Variants in FAXC observed in about 807,000 individuals in gnomAD.
FAXC encodes failed axon connections homolog, metaxin like GST domain containing, also known as failed axon connections homolog.
Under a neutral mutation model 41.9 loss-of-function variants are expected in FAXC, and 10 were observed. That is an observed-to-expected ratio of 0.24 (90% CI 0.15 to 0.41). The LOEUF (loss-of-function observed/expected upper bound fraction) is 0.41, where lower values mean the gene tolerates loss of function less well. FAXC is among the 10% of genes least tolerant of loss of function. FAXC has a pLI of 1.00. For synonymous variants in FAXC, 183 were observed against 183.8 expected (o/e 1.00, Z 0.03); for missense variants, 399 against 510.9 (o/e 0.78, Z 2.11).
intron 3 of FAXC, 33 bp from the exon 4 acceptor site, chr6:99,323,700 C>T: frequency 6.5e-7 from 1 of 1,530,978 alleles, no homozygotes; most frequent in Non-Finnish European, 9.0e-7. Flanking sequence ...TACTACTGTG[C>T]ATCAGGTACA....
Position 99,275,942 on chromosome 6 carries a change from A to G in FAXC, c.*5222T>C, listed in dbSNP as rs1407896735. 1 of 152,146 alleles carries G rather than the reference A, an allele frequency of 6.6e-6. No homozygotes were observed. The highest frequency in any genetic ancestry group is 1.5e-5 in the Non-Finnish European group (1 of 68,028). The allele number at this position is 152,146 out of a possible 1,614,324, so 9.4% of individuals were successfully genotyped here. On this transcript the variant is annotated 3_prime_UTR_variant, in exon 6 of 6. Coordinates refer to ENST00000389677, the MANE Select transcript of FAXC (RefSeq NM_032511.4). Reference sequence around the variant, plus strand: ...TATCCAGACCACTGGAAGCAACTGAATAAAGGTCAAGCACTTCACAATCAC... The same window carrying G: ...TATCCAGACCACTGGAAGCAACTGAGTAAAGGTCAAGCACTTCACAATCAC...
At position 99,323,310 on chromosome 6, in the gene FAXC, G is replaced by A. The variant is rs574478512; in HGVS notation, c.823+134C>T. ...AAAATTAGAGGATTTGGTTAAATGT[G>A]GGGACTGCAATCTACACATGGAAGC... On this transcript the variant is annotated intron_variant, in intron 4 of 5. Transcript: ENST00000389677. 4.7e-5 allele frequency: 33 copies of A among 699,928 alleles called. No individual in the cohort carries two copies. In the African/African-American group the frequency reaches 5.2e-4, roughly 11 times the overall value. The allele number at this position is 699,928 out of a possible 1,614,324, so 43.4% of individuals were successfully genotyped here. A position where few individuals can be genotyped will look rare whatever the true frequency, so the allele number is the denominator to read the frequency against.
At chr6:99,329,470 G>A (rs1414024055) in intron 3 of FAXC, among the ~76,000 whole-genome samples, 1 of 152,120 alleles carries the variant, frequency 6.6e-6, no homozygotes, top group African/African-American at 2.4e-5. Context: ...TCAACACCTG[G>A]ACTTCCAACT....
At chr6:99,324,605 G>A (rs1772726599) in intron 3 of FAXC, among the ~76,000 whole-genome samples, 4 of 152,128 alleles carry the variant, frequency 2.6e-5, no homozygotes, top group Admixed American at 6.5e-5. Context: ...AGTATAATCC[G>A]TATGGCGAGG....
chr6:99,280,939 CCATGCTGA>C lies in FAXC; in HGVS notation c.*217_*224del. On this transcript the variant is annotated 3_prime_UTR_variant, in exon 6 of 6. Coordinates refer to ENST00000389677, the MANE Select transcript of FAXC (RefSeq NM_032511.4). ...TGAAAACAAAAATGGATTTCAGGAACCATGCTGACATTATTTTTTGCCTGTTTGTTTTC... is the reference window on the plus strand; with the variant it reads ...TGAAAACAAAAATGGATTTCAGGAACCATTATTTTTTGCCTGTTTGTTTTC... The C allele has an allele frequency of 2.1e-6, 1 of 481,638 alleles. No homozygotes were observed. Among genetic ancestry groups the C allele is most frequent in the Non-Finnish European group, 3.7e-6 (1 of 269,082 alleles). 29.8% of individuals were successfully genotyped at this position (481,638 alleles called of 1,614,324 possible).
In FAXC at chr6:99,275,032, T is replaced by C. The variant is rs1770550122; in HGVS notation, c.*6132A>G. ...AACATGGCAATTCAGAAGTTGGATC[T>C]TATTTTTTTAGAAGCCATGGGGTAA... On this transcript the variant is annotated 3_prime_UTR_variant, in exon 6 of 6. Transcript: ENST00000389677. 6.6e-6 allele frequency: 1 copy of C among 152,192 alleles called. No homozygotes were observed. Among genetic ancestry groups the C allele is most frequent in the Non-Finnish European group, 1.5e-5 (1 of 68,028 alleles). 9.4% of individuals were successfully genotyped at this position (152,192 alleles called of 1,614,324 possible).
chr6:99,324,639 C>T (rs1216000909), intron 3 of FAXC, among the ~76,000 whole-genome samples: 1 of 152,120 alleles, frequency 6.6e-6, no homozygotes, highest in Non-Finnish European at 1.5e-5. Flanking sequence ...ACTGTTCCAA[C>T]ATTTTGCTGG....
chr6:99,328,192 C>G (rs2128461287), intron 3 of FAXC, among the ~76,000 whole-genome samples: 1 of 152,178 alleles, frequency 6.6e-6, no homozygotes, highest in East Asian at 1.9e-4. Flanking sequence ...CATGCACCTC[C>G]CTGCTATAGA....
intron 4 of FAXC, among the ~76,000 whole-genome samples, chr6:99,306,499 T>C (rs1443918889): frequency 3.3e-5 from 5 of 152,074 alleles, no homozygotes; most frequent in Non-Finnish European, 5.9e-5. Flanking sequence ...TAAGTGAAGA[T>C]CTAGAAAACA....
At chr6:99,328,163 C>G (rs1182191150) in intron 3 of FAXC, among the ~76,000 whole-genome samples, 2 of 152,214 alleles carry the variant, frequency 1.3e-5, no homozygotes, top group Non-Finnish European at 2.9e-5. Flanking sequence ...GCACCCCATG[C>G]ACAAGCCATA....
At position 99,349,482 on chromosome 6, in the gene FAXC, C is replaced by CT. The variant is rs1773721067; in HGVS notation, c.-111_-110insA. 3.6e-6 allele frequency: 3 copies of CT among 824,280 alleles called. No homozygotes were observed. The highest frequency in any genetic ancestry group is 3.8e-5 in the African/African-American group (2 of 53,106). 51.1% of individuals were successfully genotyped at this position (824,280 alleles called of 1,614,324 possible). A position where few individuals can be genotyped will look rare whatever the true frequency, so the allele number is the denominator to read the frequency against. ...AGGCGCGCGGAGGGCGCGGGCGGCG[C>CT]GGGCGGCGGCGACTGAGGAGGCGGC... On this transcript the variant is annotated 5_prime_UTR_variant, in exon 1 of 6. Coordinates refer to ENST00000389677, the MANE Select transcript of FAXC (RefSeq NM_032511.4).
intron 5 of FAXC, among the ~76,000 whole-genome samples, chr6:99,282,687 T>G (rs957535035): frequency 6.6e-6 from 1 of 152,214 alleles, no homozygotes; most frequent in Non-Finnish European, 1.5e-5. Context: ...TATAAATATA[T>G]GATTTGCTAC....
intron 4 of FAXC, among the ~76,000 whole-genome samples, chr6:99,300,675 T>G (rs917035250): frequency 2.6e-5 from 4 of 152,206 alleles, no homozygotes; most frequent in African/African-American, 9.6e-5. Context: ...TATCACTCAA[T>G]TCAAACTGCA....
intron 3 of FAXC, among the ~76,000 whole-genome samples, chr6:99,327,596 C>A (rs1021097011): frequency 6.6e-6 from 1 of 152,144 alleles, no homozygotes; most frequent in African/African-American, 2.4e-5. Flanking sequence ...TTCCTCCTAT[C>A]TTCCTACTCC....
chr6:99,288,580 T>G (rs1771108449), intron 5 of FAXC, among the ~76,000 whole-genome samples: 1 of 152,192 alleles, frequency 6.6e-6, no homozygotes, highest in Non-Finnish European at 1.5e-5. Flanking sequence ...ACCTCACCAA[T>G]GTGATAACAT....
Position 99,279,806 on chromosome 6 carries a change from T to A in FAXC, c.*1358A>T, listed in dbSNP as rs1480597782. The A allele has an allele frequency of 6.6e-6, 1 of 152,146 alleles. No individual in the cohort carries two copies. The highest frequency in any genetic ancestry group is 1.5e-5 in the Non-Finnish European group (1 of 68,036). The allele number at this position is 152,146 out of a possible 1,614,324, so 9.4% of individuals were successfully genotyped here. On this transcript the variant is annotated 3_prime_UTR_variant, in exon 6 of 6. Transcript: ENST00000389677. ...GATGAGACAGCAAAAACATTAAGAC[T>A]TGTTCTCAGCATTGCTCTCCTCTCA...
At chr6:99,295,911 T>C (rs1487352009) in intron 4 of FAXC, among the ~76,000 whole-genome samples, 3 of 152,200 alleles carry the variant, frequency 2.0e-5, no homozygotes, top group Non-Finnish European at 4.4e-5. Flanking sequence ...TTAGTGTCCA[T>C]TGGTGGATGT....
At chr6:99,291,248 T>A (rs1438788665) in intron 5 of FAXC, among the ~76,000 whole-genome samples, 1 of 152,208 alleles carries the variant, frequency 6.6e-6, no homozygotes, top group African/African-American at 2.4e-5. Flanking sequence ...ACTCAGAGCA[T>A]CTGAAACAGC....
At chr6:99,290,140 C>CAT (rs1450953683) in intron 5 of FAXC, among the ~76,000 whole-genome samples, 2 of 147,092 alleles carry the variant, frequency 1.4e-5, no homozygotes, top group African/African-American at 2.5e-5. Context: ...CACACACATA[C>CAT]ACACACCCCA....
Sources: allele counts gnomAD v4.1 joint callset (sites outside exome capture counted in the v4.1 genomes callset), GRCh38; gene constraint gnomAD v4.1.1; transcripts MANE v1.5; gene names NCBI Gene and HGNC (gene_info 2026-07-23, HGNC 2026-07-21).